LRRTM4: variants seen among roughly 807,000 people sequenced by gnomAD.
LRRTM4 encodes the protein leucine-rich repeat transmembrane neuronal protein 4.
LRRTM4 carries 25 observed loss-of-function variants against 47.6 expected under a neutral mutation model. That is an observed-to-expected ratio of 0.53 (90% CI 0.38 to 0.73). The LOEUF (loss-of-function observed/expected upper bound fraction) is 0.73, where lower values mean the gene tolerates loss of function less well. LRRTM4 is among the 30% of genes least tolerant of loss of function. The pLI, the probability that LRRTM4 is intolerant of heterozygous loss-of-function variation, is 0.00. For synonymous variants in LRRTM4, 311 were observed against 269.5 expected, an observed-to-expected ratio of 1.15 and a Z score of -1.51; for missense variants, 638 against 713.4, an observed-to-expected ratio of 0.89 and a Z score of 1.20.
intron 3 of LRRTM4, among the ~76,000 whole-genome samples, chr2:76,838,629 AAC>A (rs1441915723): frequency 6.6e-6 from 1 of 152,032 alleles, no homozygotes; most frequent in Non-Finnish European, 1.5e-5. Flanking sequence ...AGTTGCTATT[AAC>A]ACTTACTGTG....
intron 3 of LRRTM4, among the ~76,000 whole-genome samples, chr2:76,922,096 C>T (rs751624591): frequency 6.6e-5 from 10 of 152,046 alleles, no homozygotes; most frequent in Non-Finnish European, 1.3e-4. Flanking sequence ...TCTGCAACAA[C>T]GTAGGTGAAC....
intron 3 of LRRTM4, among the ~76,000 whole-genome samples, chr2:77,152,054 C>T (rs1286677207): frequency 2.6e-5 from 4 of 152,132 alleles, no homozygotes; most frequent in Non-Finnish European, 5.9e-5. Context: ...TTAGATGTAG[C>T]TCAGGTTTCT....
At chr2:77,514,619 G>C (rs746444201) in intron 3 of LRRTM4, among the ~76,000 whole-genome samples, 4 of 151,904 alleles carry the variant, frequency 2.6e-5, no homozygotes, top group Non-Finnish European at 5.9e-5. Context: ...AGCACTATAG[G>C]ATCATTAAAC....
chr2:77,463,045 A>G (rs1352035631), intron 3 of LRRTM4, among the ~76,000 whole-genome samples: 1 of 152,118 alleles, frequency 6.6e-6, no homozygotes, highest in Non-Finnish European at 1.5e-5. Flanking sequence ...CAGTGGAAAT[A>G]CATTCTGAGA....
At chr2:77,274,973 G>A (rs1044522131) in intron 3 of LRRTM4, among the ~76,000 whole-genome samples, 10 of 152,006 alleles carry the variant, frequency 6.6e-5, no homozygotes, top group African/African-American at 2.2e-4. Context: ...GGGCCACTAA[G>A]GACACACAGT....
chr2:76,912,588 C>CA (rs1275079097), intron 3 of LRRTM4, among the ~76,000 whole-genome samples: 1 of 151,968 alleles, frequency 6.6e-6, no homozygotes, highest in African/African-American at 2.4e-5. Context: ...TATATGCAGC[C>CA]AAAAAAATTG....
At chr2:76,850,862 G>T (rs188186678) in intron 3 of LRRTM4, among the ~76,000 whole-genome samples, 3 of 152,196 alleles carry the variant, frequency 2.0e-5, no homozygotes, top group African/African-American at 4.8e-5. Flanking sequence ...AAAAACTAGA[G>T]AAAGTTAGAA....
chr2:77,448,284 T>C (rs375546476), intron 3 of LRRTM4, among the ~76,000 whole-genome samples: 277 of 152,238 alleles, frequency 1.8e-3, no homozygotes, highest in African/African-American at 6.5e-3. Flanking sequence ...GCAGACACCA[T>C]GAGATGATTG....
chr2:76,900,437 T>C (rs1424170836), intron 3 of LRRTM4, among the ~76,000 whole-genome samples: 1 of 152,168 alleles, frequency 6.6e-6, no homozygotes. Flanking sequence ...AAACCAATAG[T>C]CATTGCTCAC....
intron 3 of LRRTM4, among the ~76,000 whole-genome samples, chr2:76,796,688 G>C (rs1287846144): frequency 7.8e-6 from 1 of 128,440 alleles, no homozygotes; most frequent in African/African-American, 3.3e-5. Context: ...ACCAAAAGTA[G>C]ATAAAAACCA....
At chr2:76,868,391 T>A (rs1573232947) in intron 3 of LRRTM4, among the ~76,000 whole-genome samples, 2 of 152,082 alleles carry the variant, frequency 1.3e-5, no homozygotes, top group East Asian at 3.9e-4. Context: ...TTTCAAGAAA[T>A]TTTTTTTAGT....
rs34456976 is a variant in LRRTM4, at chr2:77,010,501, TACACACACACACACAC to T, written c.1552-261601_1552-261586del. The stretch of plus-strand genomic sequence containing the variant: ...TAAGGCAGAATAGAATTGTATTGTT[TACACACACACACACAC>T]ACACACACACACACACACACACACA... On this transcript the variant is annotated intron_variant, in intron 3 of 3. Transcript: ENST00000409884. 4.9e-3 allele frequency among the ~76,000 whole-genome samples: 683 copies of T among 139,816 alleles called. 5 individuals carry two copies. Among genetic ancestry groups the T allele is most frequent in the Non-Finnish European group, 4.3e-3 (278 of 63,962 alleles). 91.7% of individuals were successfully genotyped at this position (139,816 alleles called of 152,430 possible). A position where few individuals can be genotyped will look rare whatever the true frequency, so the allele number is the denominator to read the frequency against.
intron 3 of LRRTM4, among the ~76,000 whole-genome samples, chr2:76,903,308 G>A (rs562101239): frequency 6.6e-6 from 1 of 151,456 alleles, no homozygotes; most frequent in East Asian, 1.9e-4. Flanking sequence ...AGGCTGAGGA[G>A]GGTGTATCAC....
At chr2:77,357,563 C>A (rs936420007) in intron 3 of LRRTM4, among the ~76,000 whole-genome samples, 12 of 152,250 alleles carry the variant, frequency 7.9e-5, no homozygotes, top group African/African-American at 2.6e-4. Context: ...TGAACTTCTT[C>A]ATTTGCCAAA....
intron 3 of LRRTM4, among the ~76,000 whole-genome samples, chr2:77,360,259 T>C (rs185722822): frequency 3.3e-5 from 5 of 151,954 alleles, no homozygotes; most frequent in Admixed American, 2.0e-4. Context: ...AGACAGAGAC[T>C]ATCCTGGCTA....
intron 3 of LRRTM4, among the ~76,000 whole-genome samples, chr2:77,220,695 T>C (rs7571398): frequency 1.6e-3 from 241 of 152,244 alleles, no homozygotes; most frequent in African/African-American, 5.5e-3. Flanking sequence ...CCAAGAAATA[T>C]GGGACTATGT....
intron 3 of LRRTM4, among the ~76,000 whole-genome samples, chr2:76,810,491 G>C (rs1670701168): frequency 6.6e-6 from 1 of 151,986 alleles, no homozygotes; most frequent in South Asian, 2.1e-4. Flanking sequence ...GCTTGTTTTA[G>C]CATATTAGCT....
intron 3 of LRRTM4, among the ~76,000 whole-genome samples, chr2:77,457,356 A>G (rs1338192925): frequency 6.6e-6 from 1 of 151,864 alleles, no homozygotes; most frequent in African/African-American, 2.4e-5. Context: ...TCATCTCCAA[A>G]TAGGTGTATC....
At chr2:76,807,977 CCCTT>C (rs1201140900) in intron 3 of LRRTM4, among the ~76,000 whole-genome samples, 2 of 134,038 alleles carry the variant, frequency 1.5e-5, no homozygotes, top group African/African-American at 5.9e-5. Context: ...TTCCTTCCTT[CCCTT>C]CTTTCTTTTC....
Sources: gnomAD v4.1 joint callset for allele counts (sites outside exome capture counted in the v4.1 genomes callset) on GRCh38, gnomAD v4.1.1 for gene constraint, MANE v1.5 for transcripts, NCBI Gene and HGNC (gene_info 2026-07-23, HGNC 2026-07-21) for gene names.